The following FFAR1 variants were observed in gnomAD, a reference collection of about 807,000 sequenced individuals.
FFAR1 encodes the protein G-protein coupled receptor 40.
For synonymous variants in FFAR1, 216 were observed against 201.5 expected, an observed-to-expected ratio of 1.07 and a Z score of -0.61; for missense variants, 424 against 396.2, an observed-to-expected ratio of 1.07 and a Z score of -0.60.
exon 1 of FFAR1, chr19:35,352,517 G>C (rs1312877904): frequency 5.3e-6 from 8 of 1,501,154 alleles, no homozygotes; most frequent in Admixed American, 4.1e-5. Flanking sequence ...AGGCCCCTGC[G>C]GGGGGCTGCT....
chr19:35,352,701 G>T, exon 1 of FFAR1: 2 of 571,986 alleles, frequency 3.5e-6, no homozygotes, highest in Non-Finnish European at 6.2e-6. Flanking sequence ...TCCCTTCCTC[G>T]CCTATCTTTC....
At chr19:35,352,283 C>T in exon 1 of FFAR1, 1 of 1,552,278 alleles carries the variant, frequency 6.4e-7, no homozygotes, top group African/African-American at 1.4e-5. Flanking sequence ...ACGCCTCCAA[C>T]GTGGCCAGCT....
upstream of FFAR1, chr19:35,351,524 G>T: frequency 6.5e-7 from 1 of 1,536,606 alleles, no homozygotes. Context: ...TTGCACACAG[G>T]AGCCGTGCAG....
At chr19:35,351,534 G>A (rs1435752954), upstream of FFAR1, 1 of 1,538,398 alleles carries the variant, frequency 6.5e-7, no homozygotes, top group African/African-American at 1.4e-5. Context: ...GAGCCGTGCA[G>A]GCCAGGACGG....
upstream of FFAR1, among the ~76,000 whole-genome samples, chr19:35,350,418 G>T (rs145801432): frequency 5.0e-3 from 764 of 152,330 alleles, 10 homozygotes; most frequent in African/African-American, 0.017. Flanking sequence ...TGTTGTCAGG[G>T]GTGAGCCAGT....
chr19:35,348,504 C>G (rs574204688), upstream of FFAR1, among the ~76,000 whole-genome samples: 5 of 152,280 alleles, frequency 3.3e-5, no homozygotes, highest in African/African-American at 1.2e-4. Flanking sequence ...GAGGCTGAGG[C>G]AGGAGAGTCG....
chr19:35,350,182 G>A (rs560498271), upstream of FFAR1, among the ~76,000 whole-genome samples: 10 of 152,278 alleles, frequency 6.6e-5, no homozygotes, highest in East Asian at 3.9e-4. Context: ...GGCTGCCCCC[G>A]CCCCTTGCCT....
At position 35,352,438 on chromosome 19, in the gene FFAR1, G is replaced by GT; in HGVS notation, c.887_888insT (p.Lys297GlnfsTer54). Reference sequence around the variant, plus strand: ...GTGTGTGCGGCAAGAACGCAAGGGGGCAAGTCCCAGAAGTAACGCCACTGC... The same window carrying GT: ...GTGTGTGCGGCAAGAACGCAAGGGGGTCAAGTCCCAGAAGTAACGCCACTGC... On this transcript the variant is annotated frameshift_variant, in exon 1 of 1. Transcript: ENST00000246553. LOFTEE classifies it high-confidence loss of function. 1 of 1,553,716 alleles carries GT rather than the reference G, an allele frequency of 6.4e-7. No individual in the cohort carries two copies. The highest frequency in any genetic ancestry group is 2.0e-5 in the Admixed American group (1 of 51,070).
chr19:35,349,639 C>T (rs1205810885), upstream of FFAR1, among the ~76,000 whole-genome samples: 1 of 152,136 alleles, frequency 6.6e-6, no homozygotes, highest in Non-Finnish European at 1.5e-5. Flanking sequence ...CCCTTGCTGT[C>T]CCCCCTGAAG....
At chr19:35,350,041 C>G (rs1181099232), upstream of FFAR1, among the ~76,000 whole-genome samples, 1 of 152,188 alleles carries the variant, frequency 6.6e-6, no homozygotes, top group Non-Finnish European at 1.5e-5. Context: ...GCCACATTCC[C>G]TGTGCCTTGG....
At chr19:35,353,546 A>C (rs546747925) in exon 1 of FFAR1, 1 of 152,384 alleles carries the variant, frequency 6.6e-6, no homozygotes, top group Admixed American at 6.5e-5. Flanking sequence ...GTATTCTTAC[A>C]ATAAAGTAAG....
At chr19:35,351,559 T>C in exon 1 of FFAR1, 2 of 1,540,320 alleles carry the variant, frequency 1.3e-6, no homozygotes, top group Non-Finnish European at 1.7e-6. Context: ...CCCATGGACC[T>C]GCCCCCGCAG....
rs750325601 is a variant in FFAR1, at chr19:35,351,921, TGG to T, written c.375_376del (p.Cys127ArgfsTer145). On this transcript the variant is annotated frameshift_variant, in exon 1 of 1. Transcript: ENST00000246553. LOFTEE classifies it low-confidence loss of function (END_TRUNC). ...AGCCTTCCGGAGGCCGTGCTATTCC[TGG>T]GGGGTGTGCGCGGCCATCTGGGCCC... 6.2e-7 allele frequency: 1 copy of T among 1,613,978 alleles called. No individual in the cohort carries two copies. Among genetic ancestry groups the T allele is most frequent in the Non-Finnish European group, 8.5e-7 (1 of 1,179,996 alleles).
At chr19:35,350,267 G>A (rs765530424), upstream of FFAR1, among the ~76,000 whole-genome samples, 5 of 152,224 alleles carry the variant, frequency 3.3e-5, no homozygotes, top group African/African-American at 7.2e-5. Flanking sequence ...GAAGCAGAGG[G>A]AGAACAGAGG....
At chr19:35,353,743 T>G (rs1446562639) in exon 1 of FFAR1, 1 of 152,260 alleles carries the variant, frequency 6.6e-6, no homozygotes, top group African/African-American at 2.4e-5. Context: ...CAACCCTTTT[T>G]TATAATGTCA....
chr19:35,349,793 G>A (rs546917325), upstream of FFAR1, among the ~76,000 whole-genome samples: 78 of 152,276 alleles, frequency 5.1e-4, no homozygotes, highest in African/African-American at 1.7e-3. Context: ...TCTGAGGCAG[G>A]AAATAGAGAC....
chr19:35,349,389 G>A (rs1477191619), upstream of FFAR1, among the ~76,000 whole-genome samples: 1 of 152,238 alleles, frequency 6.6e-6, no homozygotes, highest in Non-Finnish European at 1.5e-5. Context: ...TGGCTCCCCA[G>A]GGCTTCGCTC....
At chr19:35,352,773 T>G in exon 1 of FFAR1, 2 of 411,732 alleles carry the variant, frequency 4.9e-6, no homozygotes, top group East Asian at 4.5e-5. Flanking sequence ...GGCCTTGTAC[T>G]TACGGGAAGG....
At chr19:35,352,320 T>C (rs904995059) in exon 1 of FFAR1, 1 of 1,552,054 alleles carries the variant, frequency 6.4e-7, no homozygotes, top group African/African-American at 1.4e-5. Flanking sequence ...AGGAGGCTCC[T>C]GGCGGAAGCT....
Sources: allele counts gnomAD v4.1 joint callset (sites outside exome capture counted in the v4.1 genomes callset), GRCh38; gene constraint gnomAD v4.1.1; transcripts MANE v1.5; gene names NCBI Gene and HGNC (gene_info 2026-07-23, HGNC 2026-07-21).